NEK7: variants seen among roughly 807,000 people sequenced by gnomAD.
The protein encoded by NEK7 is NIMA related kinase 7.
Under a neutral mutation model 44.6 loss-of-function variants are expected in NEK7, and 18 were observed. The ratio of observed to expected loss-of-function variants is 0.40; its 90% CI spans 0.28 to 0.60. NEK7 has a LOEUF of 0.60. Among genes scored for constraint, NEK7 ranks in the 20% least tolerant of loss-of-function variants. The pLI, the probability that NEK7 is intolerant of heterozygous loss-of-function variation, is 0.38. For missense variants in NEK7, 256 were observed against 366.5 expected (o/e 0.70, Z 2.46); for synonymous variants, 130 against 121.1 (o/e 1.07, Z -0.48).
intron 1 of NEK7, among the ~76,000 whole-genome samples, chr1:198,168,669 T>C (rs1290940104): frequency 1.3e-5 from 2 of 152,208 alleles, no homozygotes; most frequent in Non-Finnish European, 2.9e-5. Context: ...TGTGATTACA[T>C]TCCCTTTATA....
At position 198,311,741 on chromosome 1, in the gene NEK7, G is replaced by T. The variant is rs995077536; in HGVS notation, c.799-7671G>T. ...TTCTGTTTATATGCTGGATTACATT[G>T]ATTGATTTGTGTATGTTGAACCAGC... is the stretch of plus-strand genomic sequence containing the variant. On this transcript the variant is annotated intron_variant, in intron 9 of 9. Coordinates refer to ENST00000367385, the MANE Select transcript of NEK7 (RefSeq NM_133494.3). Among the ~76,000 whole-genome samples the T allele has an allele frequency of 4.6e-3, 698 of 152,220 alleles. 5 individuals are homozygous for T. The highest frequency in any genetic ancestry group is 0.016 in the African/African-American group (675 of 41,542).
At chr1:198,283,242 G>C (rs775795379) in intron 7 of NEK7, among the ~76,000 whole-genome samples, 3 of 152,140 alleles carry the variant, frequency 2.0e-5, no homozygotes, top group Non-Finnish European at 4.4e-5. Context: ...GATATGGGTT[G>C]AAGACAGCAG....
At chr1:198,223,221 A>T (rs182289710) in intron 1 of NEK7, among the ~76,000 whole-genome samples, 1 of 152,208 alleles carries the variant, frequency 6.6e-6, no homozygotes, top group African/African-American at 2.4e-5. Flanking sequence ...AGAATGGTAG[A>T]AAAAGAGAGA....
At chr1:198,174,026 G>T (rs1012125989) in intron 1 of NEK7, among the ~76,000 whole-genome samples, 3 of 152,222 alleles carry the variant, frequency 2.0e-5, no homozygotes, top group African/African-American at 7.2e-5. Context: ...GAGCAAGAGA[G>T]AAATTGCAAG....
At chr1:198,241,883 A>G (rs908490167) in intron 2 of NEK7, among the ~76,000 whole-genome samples, 1 of 152,216 alleles carries the variant, frequency 6.6e-6, no homozygotes, top group Admixed American at 6.5e-5. Context: ...GACTGCAATG[A>G]CAACAAGCTG....
At chr1:198,264,546 T>C (rs1653585754) in intron 5 of NEK7, among the ~76,000 whole-genome samples, 1 of 151,966 alleles carries the variant, frequency 6.6e-6, no homozygotes, top group Non-Finnish European at 1.5e-5. Context: ...CCATGCTTGA[T>C]CCTGTGTCTC....
chr1:198,182,419 G>A (rs1664792531), intron 1 of NEK7, among the ~76,000 whole-genome samples: 1 of 152,084 alleles, frequency 6.6e-6, no homozygotes, highest in African/African-American at 2.4e-5. Flanking sequence ...GAATAAAAGT[G>A]TGTGTATGTG....
At chr1:198,280,145 T>G (rs1654149655) in intron 7 of NEK7, among the ~76,000 whole-genome samples, 1 of 152,024 alleles carries the variant, frequency 6.6e-6, no homozygotes, top group Non-Finnish European at 1.5e-5. Flanking sequence ...TGACATGAAA[T>G]TCCATAAGAA....
chr1:198,229,969 GTCT>G (rs2102866828), intron 1 of NEK7, among the ~76,000 whole-genome samples: 1 of 152,210 alleles, frequency 6.6e-6, no homozygotes, highest in South Asian at 2.1e-4. Context: ...TTCTCAAAAT[GTCT>G]TCTTTGGATC....
intron 9 of NEK7, among the ~76,000 whole-genome samples, chr1:198,312,070 G>A (rs916601774): frequency 6.6e-6 from 1 of 152,220 alleles, no homozygotes; most frequent in East Asian, 1.9e-4. Context: ...TCTGGTCCTG[G>A]ACTCTTTTTG....
intron 1 of NEK7, among the ~76,000 whole-genome samples, chr1:198,213,834 G>C (rs1665845915): frequency 6.6e-6 from 1 of 152,114 alleles, no homozygotes; most frequent in African/African-American, 2.4e-5. Flanking sequence ...TTTATCACTG[G>C]CTTTAGCTAC....
chr1:198,236,185 C>G (rs1666541264), intron 2 of NEK7, among the ~76,000 whole-genome samples: 1 of 152,072 alleles, frequency 6.6e-6, no homozygotes, highest in African/African-American at 2.4e-5. Context: ...TCTTTTTTCT[C>G]TAGTTTATCT....
At chr1:198,159,625 T>C (rs1664039415) in intron 1 of NEK7, among the ~76,000 whole-genome samples, 1 of 150,366 alleles carries the variant, frequency 6.7e-6, no homozygotes, top group African/African-American at 2.5e-5. Flanking sequence ...AGACTCATTT[T>C]ATAGTCTGAA....
intron 1 of NEK7, among the ~76,000 whole-genome samples, chr1:198,171,911 T>G (rs2102721414): frequency 6.6e-6 from 1 of 152,330 alleles, no homozygotes; most frequent in East Asian, 1.9e-4. Flanking sequence ...TGGATAATCC[T>G]GACATCCTTC....
At chr1:198,266,003 A>G (rs987734649) in intron 5 of NEK7, among the ~76,000 whole-genome samples, 6 of 151,976 alleles carry the variant, frequency 3.9e-5, no homozygotes, top group Non-Finnish European at 8.8e-5. Flanking sequence ...CCTCACTCCC[A>G]TGTCCCAGAA....
intron 1 of NEK7, among the ~76,000 whole-genome samples, chr1:198,164,485 C>G (rs1664205928): frequency 6.6e-6 from 1 of 152,206 alleles, no homozygotes; most frequent in Non-Finnish European, 1.5e-5. Context: ...GTCTAGACCA[C>G]TGCAATAAAG....
intron 1 of NEK7, among the ~76,000 whole-genome samples, chr1:198,179,131 T>C (rs1034313919): frequency 2.0e-5 from 3 of 151,996 alleles, no homozygotes; most frequent in Non-Finnish European, 4.4e-5. Context: ...TTTAAACTCA[T>C]TGAGTATAGG....
intron 9 of NEK7, among the ~76,000 whole-genome samples, chr1:198,316,139 A>G (rs1482305985): frequency 6.6e-6 from 1 of 152,248 alleles, no homozygotes; most frequent in Non-Finnish European, 1.5e-5. Context: ...TGTAAATCCA[A>G]AAGGATAGAG....
intron 2 of NEK7, among the ~76,000 whole-genome samples, chr1:198,240,695 TG>T (rs56928723): frequency 0.13 from 19,866 of 152,164 alleles, 1,977 homozygotes; most frequent in East Asian, 0.57. Flanking sequence ...ATAATTTTTT[TG>T]TTGTTGTTCT....
Sources: allele counts gnomAD v4.1 joint callset (sites outside exome capture counted in the v4.1 genomes callset), GRCh38; gene constraint gnomAD v4.1.1; transcripts MANE v1.5; gene names NCBI Gene and HGNC (gene_info 2026-07-23, HGNC 2026-07-21).